Variants in DNMT3B observed in about 807,000 individuals in gnomAD.
DNMT3B encodes the protein DNA (cytosine-5)-methyltransferase 3B.
DNMT3B carries 37 observed loss-of-function variants against 120.2 expected under a neutral mutation model. The observed-to-expected ratio is 0.31, with a 90% CI of 0.24 to 0.40. The LOEUF (loss-of-function observed/expected upper bound fraction) is 0.40. Ranked by LOEUF, DNMT3B falls within the 10% of genes least tolerant of loss-of-function variation. The pLI is 1.00. For synonymous variants in DNMT3B, 412 were observed against 442.8 expected (o/e 0.93, Z 0.87); for missense variants, 878 against 1,137.3 (o/e 0.77, Z 3.28).
chr20:32,772,792 C>T (rs1286183506), intron 1 of DNMT3B, among the ~76,000 whole-genome samples: 3 of 150,636 alleles, frequency 2.0e-5, no homozygotes, highest in East Asian at 1.9e-4. Context: ...TATTCCAGTG[C>T]GTTGACAAAC....
chr20:32,769,567 T>C (rs1288268506), intron 1 of DNMT3B, among the ~76,000 whole-genome samples: 2 of 152,288 alleles, frequency 1.3e-5, no homozygotes, highest in Non-Finnish European at 2.9e-5. Flanking sequence ...CACTAGGTAA[T>C]TGTGGACAGT....
rs1029336436 is a variant in DNMT3B at position 32,808,529 on chromosome 20, CAAT to C, written c.*627_*629del. The C allele has an allele frequency of 1.3e-5, 3 of 231,770 alleles. No homozygotes were observed. Among genetic ancestry groups the C allele is most frequent in the African/African-American group, 6.6e-5 (3 of 45,126 alleles). The allele number at this position is 231,770 out of a possible 1,614,324, so 14.4% of individuals were successfully genotyped here. A position where few individuals can be genotyped will look rare whatever the true frequency, so the allele number is the denominator to read the frequency against. The stretch of plus-strand genomic sequence containing the variant: ...ACGGGACCTATTAGAGTATTTTCCA[CAAT>C]GATGATGATTTCAGCAGGGATGACG... On this transcript the variant is annotated 3_prime_UTR_variant, in exon 23 of 23. Transcript: ENST00000328111.
chr20:32,790,960 C>A (rs917537042), intron 7 of DNMT3B, among the ~76,000 whole-genome samples: 10 of 152,210 alleles, frequency 6.6e-5, no homozygotes, highest in Admixed American at 6.5e-4. Flanking sequence ...CTACGTCTGG[C>A]CTTTCAGTTC....
At position 32,801,271 on chromosome 20, in the gene DNMT3B, A is replaced by G; in HGVS notation, c.1997-7A>G. On this transcript the variant is annotated splice_region_variant and splice_polypyrimidine_tract_variant and intron_variant, in intron 18 of 22. Transcript: ENST00000328111. ...GAACCCTGCGCTGTCATCTTTTCTG[A>G]GCACAGAGGGTACAGGCCGGCTCTT... 1 of 1,614,112 alleles carries G rather than the reference A, an allele frequency of 6.2e-7. No individual in the cohort carries two copies. The highest frequency in any genetic ancestry group is 8.5e-7 in the Non-Finnish European group (1 of 1,180,026).
chr20:32,789,518 G>T (rs1027980074), intron 7 of DNMT3B, among the ~76,000 whole-genome samples: 10 of 152,188 alleles, frequency 6.6e-5, no homozygotes, highest in Admixed American at 2.0e-4. Flanking sequence ...ATCTTTCTTG[G>T]TAATGACATT....
intron 14 of DNMT3B, among the ~76,000 whole-genome samples, chr20:32,798,235 G>A (rs1441799404): frequency 1.3e-5 from 2 of 152,240 alleles, no homozygotes; most frequent in Admixed American, 1.3e-4. Flanking sequence ...GTTGTCGGGA[G>A]AGCATTTCTG....
intron 22 of DNMT3B, among the ~76,000 whole-genome samples, chr20:32,807,078 A>G (rs1344120674): frequency 1.3e-5 from 2 of 152,232 alleles, no homozygotes; most frequent in East Asian, 3.8e-4. Flanking sequence ...GTTGGTGCAG[A>G]TGGCTGACAT....
chr20:32,797,298 C>A lies in DNMT3B; in HGVS notation c.1489C>A (p.Arg497=). The part of the protein sequence containing the change: ...LLLCSNTSCC[R]CFCVECLEVL... The stretch of plus-strand genomic sequence containing the variant: ...GCTTTGCAGCAACACGAGCTGCTGC[C>A]GGTGAGCACTGGGCCCTGTGGGGTG... The change falls in exon 14 of 23, where the codon CGG becomes AGG. Residue 497 remains arginine (R), a splice_region_variant and synonymous_variant. Transcript: ENST00000328111. The A allele has an allele frequency of 6.2e-7, 1 of 1,613,994 alleles. No homozygotes were observed. The highest frequency in any genetic ancestry group is 8.5e-7 in the Non-Finnish European group (1 of 1,179,968).
At position 32,807,831 on chromosome 20, in the gene DNMT3B, G is replaced by T. The variant is rs994341090; in HGVS notation, c.2490G>T (p.Leu830=). 1.2e-6 allele frequency: 2 copies of T among 1,614,066 alleles called. No homozygotes were observed. The highest frequency in any genetic ancestry group is 3.3e-5 in the Admixed American group (2 of 59,998). ...GCCGTGGTGCCCGCCAGAAGCTGCT[G>T]GGAAGGTCCTGGAGCGTGCCTGTCA... ...NMGRGARQKL[L]GRSWSVPVIR... The change falls in exon 23 of 23, where the codon CTG becomes CTT. Residue 830 remains leucine (L), a synonymous_variant. Transcript: ENST00000328111.
intron 1 of DNMT3B, among the ~76,000 whole-genome samples, chr20:32,766,903 T>G (rs1015670360): frequency 2.0e-5 from 3 of 151,876 alleles, no homozygotes; most frequent in Admixed American, 6.6e-5. Context: ...TTATTTTTAT[T>G]TTTTGAGATG....
chr20:32,765,904 G>C (rs939966663), intron 1 of DNMT3B, among the ~76,000 whole-genome samples: 1 of 151,262 alleles, frequency 6.6e-6, no homozygotes, highest in Non-Finnish European at 1.5e-5. Context: ...TACAGGCGCC[G>C]GCCACCATGC....
intron 22 of DNMT3B, among the ~76,000 whole-genome samples, 180 bp downstream of exon 22, chr20:32,806,507 T>C (rs1417067768): frequency 6.6e-6 from 1 of 151,870 alleles, no homozygotes; most frequent in Admixed American, 6.6e-5. Context: ...GCGGAGGGGG[T>C]GTGGTGGTGG....
At chr20:32,786,663 T>C (rs1470835323) in intron 5 of DNMT3B, 36 bp downstream of exon 5, 1 of 1,612,960 alleles carries the variant, frequency 6.2e-7, no homozygotes, top group South Asian at 1.1e-5. Flanking sequence ...CTGCCCGCAG[T>C]CTCTAACTGG....
chr20:32,797,102 G>A (rs1384790924), intron 13 of DNMT3B, 85 bp from the exon 14 acceptor site: 4 of 1,605,484 alleles, frequency 2.5e-6, no homozygotes, highest in Non-Finnish European at 3.4e-6. Context: ...TTCTGCAGCT[G>A]TATCCTAGGG....
At chr20:32,774,772 A>G (rs1317944216) in intron 1 of DNMT3B, among the ~76,000 whole-genome samples, 1 of 151,586 alleles carries the variant, frequency 6.6e-6, no homozygotes, top group Admixed American at 6.6e-5. Context: ...AGGCTGGAGT[A>G]CAGTGGCACG....
chr20:32,777,178 T>C (rs921033333), intron 1 of DNMT3B, among the ~76,000 whole-genome samples: 4 of 152,138 alleles, frequency 2.6e-5, no homozygotes, highest in African/African-American at 9.7e-5. Context: ...GCTAGTGCCA[T>C]TTATTGTGGG....
Position 32,808,915 on chromosome 20 carries a change from A to G in DNMT3B, c.*1012A>G, listed in dbSNP as rs1161291472. On this transcript the variant is annotated 3_prime_UTR_variant, in exon 23 of 23. Coordinates refer to ENST00000328111, the MANE Select transcript of DNMT3B (RefSeq NM_006892.4). Reference sequence around the variant, plus strand: ...GCAGTGACAGCAGTCAGGGACAGACATACATTTCTCATACCTTCCCCACAT... The same window carrying G: ...GCAGTGACAGCAGTCAGGGACAGACGTACATTTCTCATACCTTCCCCACAT... 4.5e-6 allele frequency: 1 copy of G among 222,466 alleles called. No individual in the cohort carries two copies. The highest frequency in any genetic ancestry group is 2.2e-5 in the African/African-American group (1 of 44,716). 13.8% of individuals were successfully genotyped at this position (222,466 alleles called of 1,614,324 possible). A position where few individuals can be genotyped will look rare whatever the true frequency, so the allele number is the denominator to read the frequency against.
chr20:32,779,883 G>A, intron 1 of DNMT3B: 1 of 611,646 alleles, frequency 1.6e-6, no homozygotes, highest in Non-Finnish European at 2.9e-6. Context: ...GGGTCAGGAG[G>A]GAAAATAATG....
At chr20:32,797,404 A>G in intron 14 of DNMT3B, 105 bp downstream of exon 14, 2 of 1,117,744 alleles carry the variant, frequency 1.8e-6, no homozygotes, top group Non-Finnish European at 2.6e-6. Flanking sequence ...AGGCATGGGA[A>G]TAGGGAGCTA....
Sources: allele counts gnomAD v4.1 joint callset (sites outside exome capture counted in the v4.1 genomes callset), GRCh38; gene constraint gnomAD v4.1.1; transcripts MANE v1.5; gene names NCBI Gene and HGNC (gene_info 2026-07-23, HGNC 2026-07-21).